CDH13: variants seen among roughly 807,000 people sequenced by gnomAD.
CDH13 encodes the protein cadherin-13.
CDH13 carries 24 observed loss-of-function variants against 63.8 expected under a neutral mutation model. The observed-to-expected ratio is 0.38, with a 90% CI of 0.27 to 0.53. CDH13 has a LOEUF of 0.53. Ranked by LOEUF, CDH13 falls within the 20% of genes least tolerant of loss-of-function variation. CDH13 has a pLI of 0.85. For synonymous variants in CDH13, 503 were observed against 355.3 expected (o/e 1.42, Z -4.67); for missense variants, 1,049 against 903.1 (o/e 1.16, Z -2.07).
chr16:82,639,975 G>T (rs1258140076), intron 1 of CDH13, among the ~76,000 whole-genome samples: 1 of 152,194 alleles, frequency 6.6e-6, no homozygotes, highest in Non-Finnish European at 1.5e-5. Context: ...ATTTACTGGG[G>T]GAAGACAATA....
At chr16:83,701,334 C>T (rs947280275) in intron 10 of CDH13, among the ~76,000 whole-genome samples, 3 of 152,118 alleles carry the variant, frequency 2.0e-5, no homozygotes, top group South Asian at 2.1e-4. Flanking sequence ...ATGGATGCAG[C>T]GCTCCCAATT....
chr16:83,278,250 C>G (rs2089054445), intron 5 of CDH13, among the ~76,000 whole-genome samples: 1 of 152,154 alleles, frequency 6.6e-6, no homozygotes, highest in African/African-American at 2.4e-5. Flanking sequence ...GATATGACTC[C>G]TTTATCTCTC....
intron 11 of CDH13, among the ~76,000 whole-genome samples, chr16:83,767,385 A>G (rs1249616191): frequency 6.6e-6 from 1 of 152,146 alleles, no homozygotes; most frequent in Non-Finnish European, 1.5e-5. Context: ...AGTTATATAA[A>G]CGGGAGTTCT....
Position 83,476,221 on chromosome 16 carries a change from T to A in CDH13, c.782-10256T>A, listed in dbSNP as rs1222938250. Among the ~76,000 whole-genome samples, 3 of 152,236 alleles carry A rather than the reference T, an allele frequency of 2.0e-5. No homozygotes were observed. The East Asian group carries it at 5.8e-4, about 29-fold the overall frequency. On this transcript the variant is annotated intron_variant, in intron 6 of 13. Coordinates refer to ENST00000567109, the MANE Select transcript of CDH13 (RefSeq NM_001257.5). The stretch of plus-strand genomic sequence containing the variant: ...CATATTTGTCAGATATAGAGCAGCA[T>A]CCTTGATCTCTACCCACTAGATGCC...
chr16:82,947,651 A>G (rs1317511120), intron 2 of CDH13, among the ~76,000 whole-genome samples: 1 of 152,182 alleles, frequency 6.6e-6, no homozygotes. Context: ...TTGATATAAA[A>G]TATCAAAAGC....
chr16:82,755,313 C>G (rs772269558), intron 1 of CDH13, among the ~76,000 whole-genome samples: 1 of 152,146 alleles, frequency 6.6e-6, no homozygotes, highest in African/African-American at 2.4e-5. Context: ...GTCTTCCTTT[C>G]TGACCCTCTA....
intron 13 of CDH13, among the ~76,000 whole-genome samples, chr16:83,793,773 A>G (rs867602592): frequency 4.6e-5 from 7 of 151,548 alleles, no homozygotes; most frequent in South Asian, 2.1e-4. Flanking sequence ...GATTGTGCCA[A>G]TGCACTCCAG....
At chr16:82,697,460 C>T (rs1046995116) in intron 1 of CDH13, among the ~76,000 whole-genome samples, 6 of 124,238 alleles carry the variant, frequency 4.8e-5, no homozygotes, top group African/African-American at 1.8e-4. Flanking sequence ...GACAGAGTCT[C>T]ACTCTGTCAC....
intron 3 of CDH13, among the ~76,000 whole-genome samples, chr16:83,084,437 G>C (rs779587054): frequency 1.3e-5 from 2 of 152,168 alleles, no homozygotes; most frequent in Admixed American, 6.5e-5. Context: ...TATTGTCAGA[G>C]CATCTTTGTG....
chr16:83,490,401 A>C (rs1241692225), intron 7 of CDH13, among the ~76,000 whole-genome samples: 1 of 152,154 alleles, frequency 6.6e-6, no homozygotes, highest in Non-Finnish European at 1.5e-5. Context: ...CACACAGGGC[A>C]GTGTAGAAAT....
rs148387773 is a variant in CDH13, at chr16:82,975,745, A to G, written c.158-56265A>G. On this transcript the variant is annotated intron_variant, in intron 2 of 13. Coordinates refer to ENST00000567109, the MANE Select transcript of CDH13 (RefSeq NM_001257.5). ...TCTATCTGGAGAATAATGTATTGCA[A>G]TCAGTTTCCACATATTTATATGCAA... is the stretch of plus-strand genomic sequence containing the variant. Among the ~76,000 whole-genome samples, 48 of 152,298 alleles carry G rather than the reference A, an allele frequency of 3.2e-4. No individual in the cohort carries two copies. The East Asian group carries it at 7.7e-3, about 25-fold the overall frequency.
In CDH13 at chr16:82,934,117, C is replaced by T. The variant is rs7206648; in HGVS notation, c.157+75644C>T. 4.3e-3 allele frequency among the ~76,000 whole-genome samples: 659 copies of T among 152,352 alleles called. 3 individuals are homozygous for T. Among genetic ancestry groups the T allele is most frequent in the African/African-American group, 0.015 (616 of 41,584 alleles). On this transcript the variant is annotated intron_variant, in intron 2 of 13. Transcript: ENST00000567109. ...TCTGATCCCACATTCCCCTTCTGCA[C>T]TTCCCTAGCAGAGGTTCTGCATGAG...
At chr16:82,996,314 G>C (rs1288758838) in intron 2 of CDH13, among the ~76,000 whole-genome samples, 1 of 152,100 alleles carries the variant, frequency 6.6e-6, no homozygotes, top group Non-Finnish European at 1.5e-5. Context: ...TCTACCCCAT[G>C]ACTCATCAGC....
intron 7 of CDH13, among the ~76,000 whole-genome samples, chr16:83,492,579 A>G (rs1051868149): frequency 7.9e-5 from 12 of 152,336 alleles, no homozygotes; most frequent in African/African-American, 2.6e-4. Context: ...AAAATAATGC[A>G]TTATCCTTTC....
chr16:83,511,745 A>C (rs1286064915), intron 7 of CDH13, among the ~76,000 whole-genome samples: 2 of 152,204 alleles, frequency 1.3e-5, no homozygotes, highest in Non-Finnish European at 1.5e-5. Context: ...ATCGCAAAAT[A>C]AAAATGGAAG....
At chr16:83,423,464 A>G (rs573520429) in intron 6 of CDH13, among the ~76,000 whole-genome samples, 3 of 152,052 alleles carry the variant, frequency 2.0e-5, no homozygotes, top group African/African-American at 7.2e-5. Flanking sequence ...TTTTAAACTG[A>G]TTTCACAGAG....
chr16:82,862,634 G>A (rs1017431742), intron 2 of CDH13, among the ~76,000 whole-genome samples: 3 of 152,110 alleles, frequency 2.0e-5, no homozygotes, highest in African/African-American at 7.2e-5. Flanking sequence ...TAGACACATA[G>A]GTAGAGACAG....
At chr16:83,535,827 G>T (rs894980428) in intron 7 of CDH13, among the ~76,000 whole-genome samples, 1 of 136,914 alleles carries the variant, frequency 7.3e-6, no homozygotes, top group Non-Finnish European at 1.6e-5. Flanking sequence ...AAGAAGGAAC[G>T]AAGGAAAGGA....
chr16:83,495,882 C>T (rs9924760), intron 7 of CDH13, among the ~76,000 whole-genome samples: 5 of 151,810 alleles, frequency 3.3e-5, no homozygotes, highest in African/African-American at 1.2e-4. Flanking sequence ...AACAGAGAGC[C>T]AAATCATGAG....
Sources: allele counts gnomAD v4.1 joint callset (sites outside exome capture counted in the v4.1 genomes callset), GRCh38; gene constraint gnomAD v4.1.1; transcripts MANE v1.5; gene names NCBI Gene and HGNC (gene_info 2026-07-23, HGNC 2026-07-21).